HAP1: variants seen among roughly 807,000 people sequenced by gnomAD.
The protein encoded by HAP1 is huntingtin-associated protein 1.
A neutral mutation model predicts 60.3 loss-of-function variants in HAP1; 59 were observed. The observed-to-expected ratio is 0.98, with a 90% CI of 0.79 to 1.22. The LOEUF is 1.22. Among genes scored for constraint, HAP1 ranks in the 50% most tolerant of loss-of-function variants. HAP1 has a pLI of 0.00. For missense variants in HAP1, 825 were observed against 785.3 expected (o/e 1.05, Z -0.60); for synonymous variants, 346 against 330.6 (o/e 1.05, Z -0.50).
chr17:41,733,476 CA>C (rs1555591732), intron 1 of HAP1, among the ~76,000 whole-genome samples: 1 of 149,788 alleles, frequency 6.7e-6, no homozygotes, highest in East Asian at 2.0e-4. Flanking sequence ...TGGAGACAGC[CA>C]GGGGAAGTAC....
In HAP1 at chr17:41,734,345, G is replaced by C; in HGVS notation, c.290C>G (p.Pro97Arg). The change falls in exon 1 of 11, where the codon CCC (proline) becomes CGC (arginine). Residue 97 changes from proline (P) to arginine (R), a missense_variant. Transcript: ENST00000347901. ...SAIQGDVRSM[P>R]DNSDAPWTRF... ...GGTCCACGGCGCGTCCGAATTGTCG[G>C]GCATAGACCGGACATCCCCTTGGAT... is the stretch of plus-strand genomic sequence containing the variant. 1 of 1,609,244 alleles carries C rather than the reference G, an allele frequency of 6.2e-7. No individual in the cohort carries two copies. The highest frequency in any genetic ancestry group is 8.5e-7 in the Non-Finnish European group (1 of 1,177,304).
downstream of HAP1, chr17:41,722,231 A>C (rs535611271): frequency 3.4e-4 from 52 of 152,656 alleles, no homozygotes; most frequent in African/African-American, 1.2e-3. Context: ...GCAGAGCCTG[A>C]GGATACGGAG....
rs782593685 is a variant in HAP1, at chr17:41,725,174, A to T, written c.1407-20T>A. The T allele has an allele frequency of 1.3e-6, 2 of 1,549,324 alleles. No individual in the cohort carries two copies. The highest frequency in any genetic ancestry group is 1.2e-5 in the South Asian group (1 of 81,844). On this transcript the variant is annotated intron_variant, in intron 10 of 10. Coordinates refer to ENST00000347901, the MANE Select transcript of HAP1 (RefSeq NM_177977.3). Reference sequence around the variant, plus strand: ...TCATACCTGGGCGGGAGATAGCGACATCTTTTGAGGGGCTGGAAAGTCCAA... The same window carrying T: ...TCATACCTGGGCGGGAGATAGCGACTTCTTTTGAGGGGCTGGAAAGTCCAA...
chr17:41,724,988 C>A lies in HAP1; in HGVS notation c.1573G>T (p.Gly525Trp), dbSNP rs1555588352. 6.2e-7 allele frequency: 1 copy of A among 1,612,678 alleles called. No homozygotes were observed. The change falls in exon 11 of 11, where the codon GGG (glycine) becomes TGG (tryptophan). Residue 525 changes from glycine (G) to tryptophan (W), a missense_variant. Coordinates refer to ENST00000347901, the MANE Select transcript of HAP1 (RefSeq NM_177977.3). ...ACCAGCTCTGCCTCTTCCATCACCC[C>A]TTCCTCAGCCGGCACCTTCTTGGCA... ...GAAKKVPAEEGVMEEAELVSE... is the reference protein window; with the variant it reads ...GAAKKVPAEEWVMEEAELVSE...
intron 1 of HAP1, among the ~76,000 whole-genome samples, chr17:41,733,634 G>A (rs1188095477): frequency 6.6e-6 from 1 of 152,056 alleles, no homozygotes; most frequent in African/African-American, 2.4e-5. Context: ...AGACACTCGA[G>A]CCTCTAGGCC....
chr17:41,731,599 C>A (rs897774058), intron 5 of HAP1, 39 bp downstream of exon 5: 10 of 1,596,638 alleles, frequency 6.3e-6, no homozygotes, highest in African/African-American at 1.3e-5. Context: ...GAAGTCAACA[C>A]CCCCTGCTAG....
At chr17:41,727,681 G>C (rs1911774938) in intron 8 of HAP1, 81 bp downstream of exon 8, 2 of 857,428 alleles carry the variant, frequency 2.3e-6, no homozygotes, top group Non-Finnish European at 3.9e-6. Flanking sequence ...TCCAGAGTCA[G>C]GTAGCTGCCA....
At chr17:41,732,890 G>A (rs575199742) in intron 1 of HAP1, 92 bp from the exon 2 acceptor site, 46 of 791,614 alleles carry the variant, frequency 5.8e-5, no homozygotes, top group South Asian at 2.5e-4. Flanking sequence ...CCGTCCTATC[G>A]TCAGTTCTCC....
At chr17:41,733,412 C>T (rs535250006) in intron 1 of HAP1, among the ~76,000 whole-genome samples, 2 of 137,118 alleles carry the variant, frequency 1.5e-5, no homozygotes, top group South Asian at 4.8e-4. Flanking sequence ...GGGTCACAGT[C>T]CTCCAGGCTC....
chr17:41,732,756 TG>T lies in HAP1; in HGVS notation c.511del (p.Gln171ArgfsTer6). ...NLPPPVKKIT[Q>X]EDVKVMLYLL... ...ATATAACATCACTTTGACGTCTTCC[TG>T]GGTGATCTTTTTGACTGGCGGAGGT... On this transcript the variant is annotated frameshift_variant, in exon 2 of 11. Transcript: ENST00000347901. LOFTEE classifies it high-confidence loss of function. 6.2e-7 allele frequency: 1 copy of T among 1,613,386 alleles called. No individual in the cohort carries two copies. Among genetic ancestry groups the T allele is most frequent in the Non-Finnish European group, 8.5e-7 (1 of 1,179,306 alleles).
chr17:41,732,498 G>A, intron 2 of HAP1, 104 bp from the exon 3 acceptor site: 1 of 1,249,510 alleles, frequency 8.0e-7, no homozygotes, highest in Non-Finnish European at 1.1e-6. Flanking sequence ...TTAACCCACT[G>A]TGGAACCTGG....
chr17:41,734,016 CCAGA>C (rs1229922440), intron 1 of HAP1, 146 bp downstream of exon 1: 14 of 629,344 alleles, frequency 2.2e-5, no homozygotes, highest in Middle Eastern at 8.9e-4. Flanking sequence ...GAAGGGGCGA[CCAGA>C]CAGACACCGC....
chr17:41,733,730 C>T (rs1163652395), intron 1 of HAP1, among the ~76,000 whole-genome samples: 1 of 152,026 alleles, frequency 6.6e-6, no homozygotes, highest in African/African-American at 2.4e-5. Context: ...ATACCCGCAA[C>T]CAAAAAGTGG....
chr17:41,734,479 G>A lies in HAP1; in HGVS notation c.156C>T (p.Ser52=). 6.2e-7 allele frequency: 1 copy of A among 1,611,918 alleles called. No individual in the cohort carries two copies. Among genetic ancestry groups the A allele is most frequent in the Non-Finnish European group, 8.5e-7 (1 of 1,179,378 alleles). The change falls in exon 1 of 11, where the codon TCC becomes TCT. Residue 52 remains serine (S), a synonymous_variant. Coordinates refer to ENST00000347901, the MANE Select transcript of HAP1 (RefSeq NM_177977.3). ...QARGTGQRVG[S]RATSGSQFLS... ...GGAACTGGGATCCAGAGGTGGCTCG[G>A]GATCCTACTCTCTGTCCAGTGCCCC...
Position 41,734,275 on chromosome 17 carries a change from C to T in HAP1, c.360G>A (p.Arg120=), listed in dbSNP as rs369881785. The T allele has an allele frequency of 8.7e-5, 140 of 1,608,314 alleles. No homozygotes were observed. Among genetic ancestry groups the T allele is most frequent in the Non-Finnish European group, 1.1e-4 (130 of 1,177,474 alleles). ...QGPFGSRATG[R]GTGKAAGIWK... is the part of the protein sequence containing the mutation. ...AGATGCCCGCTGCCTTTCCAGTCCC[C>T]CGGCCAGTGGCCCGGGAACCAAACG... Residue 120 remains arginine, a synonymous_variant, in exon 1 of 11, where the codon CGG becomes CGA. Coordinates refer to ENST00000347901, the MANE Select transcript of HAP1 (RefSeq NM_177977.3).
At position 41,734,244 on chromosome 17, in the gene HAP1, T is replaced by A; in HGVS notation, c.391A>T (p.Thr131Ser). The A allele has an allele frequency of 6.2e-7, 1 of 1,601,420 alleles. No individual in the cohort carries two copies. Among genetic ancestry groups the A allele is most frequent in the Non-Finnish European group, 8.5e-7 (1 of 1,171,654 alleles). Residue 131 changes from threonine (T) to serine (S), a missense_variant, in exon 1 of 11, where the codon ACG (threonine) becomes TCG (serine). By Grantham distance (58) the Thr-to-Ser change is moderately conservative. Transcript: ENST00000347901. ...CGCCGGCCAACGTAGGCGGCTGGCG[T>A]CTTCCAGATGCCCGCTGCCTTTCCA... is the stretch of plus-strand genomic sequence containing the variant. ...GTGKAAGIWK[T>S]PAAYVGRRPG...
intron 7 of HAP1, 145 bp from the exon 8 acceptor site, chr17:41,727,981 G>T: frequency 2.9e-6 from 2 of 699,804 alleles, no homozygotes; most frequent in Non-Finnish European, 4.9e-6. Flanking sequence ...GGCAAAGAAG[G>T]CAGGGGAGTC....
rs371996773 is a variant in HAP1 at position 41,732,133 on chromosome 17, G to C, written c.715-15C>G. On this transcript the variant is annotated splice_polypyrimidine_tract_variant and intron_variant, in intron 3 of 10. Coordinates refer to ENST00000347901, the MANE Select transcript of HAP1 (RefSeq NM_177977.3). ...AGGTATAAAATCTGGCAGGAAGAGA[G>C]AGGAGCCATGGGTTGGGAGTGGGCA... is the stretch of plus-strand genomic sequence containing the variant. The C allele has an allele frequency of 6.2e-7, 1 of 1,613,572 alleles. No individual in the cohort carries two copies. Among genetic ancestry groups the C allele is most frequent in the East Asian group, 2.2e-5 (1 of 44,882 alleles).
chr17:41,727,082 C>A lies in HAP1; in HGVS notation c.1338G>T (p.Met446Ile). 1 of 1,581,900 alleles carries A rather than the reference C, an allele frequency of 6.3e-7. No individual in the cohort carries two copies. Residue 446 changes from methionine to isoleucine, a missense_variant, in exon 9 of 11, where the codon ATG becomes ATT. Met to Ile is a conservative substitution (Grantham distance 10). Transcript: ENST00000347901. Reference protein sequence around the residue: ...AEELRTSLRRMISDPVYFMER... With the variant: ...AEELRTSLRRIISDPVYFMER... Reference sequence around the variant, plus strand: ...CCATAAAATACACAGGGTCTGAGATCATCCTCCTTAGAGACGTTCTGAGCT... The same window carrying A: ...CCATAAAATACACAGGGTCTGAGATAATCCTCCTTAGAGACGTTCTGAGCT...
Sources: gnomAD v4.1 joint callset for allele counts (sites outside exome capture counted in the v4.1 genomes callset) on GRCh38, gnomAD v4.1.1 for gene constraint, MANE v1.5 for transcripts, NCBI Gene and HGNC (gene_info 2026-07-23, HGNC 2026-07-21) for gene names.